Variants in CEP112 observed in about 807,000 individuals in gnomAD.
The protein encoded by CEP112 is centrosomal protein 112.
A neutral mutation model predicts 153.0 loss-of-function variants in CEP112; 127 were observed. The observed-to-expected ratio is 0.83, with a 90% CI of 0.72 to 0.96. The LOEUF (loss-of-function observed/expected upper bound fraction) is 0.96, where lower values mean the gene tolerates loss of function less well. Ranked by LOEUF, CEP112 falls within the 40% of genes least tolerant of loss-of-function variation. CEP112 has a pLI of 0.00. For synonymous variants in CEP112, 358 were observed against 374.4 expected, an observed-to-expected ratio of 0.96 and a Z score of 0.51; for missense variants, 1,089 against 1,101.2, an observed-to-expected ratio of 0.99 and a Z score of 0.16.
At chr17:65,839,477 A>T (rs1195887594) in intron 21 of CEP112, among the ~76,000 whole-genome samples, 1 of 151,722 alleles carries the variant, frequency 6.6e-6, no homozygotes, top group African/African-American at 2.4e-5. Context: ...GATTAAAAAA[A>T]AAAAACCTCT....
intron 21 of CEP112, among the ~76,000 whole-genome samples, chr17:65,814,151 G>T (rs904954977): frequency 5.3e-5 from 8 of 152,150 alleles, no homozygotes; most frequent in African/African-American, 1.9e-4. Flanking sequence ...GTTCAGAGAG[G>T]TTACTTGTCT....
intron 21 of CEP112, 121 bp from the exon 22 acceptor site, chr17:65,750,845 G>A: frequency 8.8e-5 from 62 of 701,228 alleles, no homozygotes; most frequent in Middle Eastern, 2.5e-4. Context: ...GGGGCAGCCA[G>A]AAAACCACAG....
At chr17:65,961,313 T>A in intron 18 of CEP112, 150 bp downstream of exon 18, 1 of 700,242 alleles carries the variant, frequency 1.4e-6, no homozygotes, top group Admixed American at 2.8e-5. Context: ...GTAACATCTC[T>A]TTCTCATTCT....
At chr17:65,901,551 G>A (rs779809574) in intron 20 of CEP112, among the ~76,000 whole-genome samples, 1 of 152,118 alleles carries the variant, frequency 6.6e-6, no homozygotes, top group Non-Finnish European at 1.5e-5. Context: ...ACAGCTGGGG[G>A]TTATTCTGCC....
chr17:65,998,022 A>C (rs1342836052), intron 17 of CEP112, among the ~76,000 whole-genome samples: 2 of 152,170 alleles, frequency 1.3e-5, no homozygotes, highest in Non-Finnish European at 2.9e-5. Flanking sequence ...TTGTCAGAAA[A>C]AAACAATCAT....
rs570349785 is a variant in CEP112 at position 65,807,651 on chromosome 17, C to T, written c.2394+44153G>A. 4.2e-4 allele frequency among the ~76,000 whole-genome samples: 64 copies of T among 152,334 alleles called. 1 individual carries two copies. Among genetic ancestry groups the T allele is most frequent in the East Asian group, 4.1e-3 (21 of 5,184 alleles). On this transcript the variant is annotated intron_variant, in intron 21 of 26. Transcript: ENST00000535342. ...TCCAGTTGTAGCTAAAAGGGGCCAA[C>T]ATACAGCTCAGGCCATTGCTTCAGA...
intron 6 of CEP112, among the ~76,000 whole-genome samples, chr17:66,129,229 G>A (rs562420212): frequency 7.2e-4 from 110 of 152,230 alleles, no homozygotes; most frequent in South Asian, 3.5e-3. Flanking sequence ...ACCCAATCAC[G>A]ACAGCTCACT....
At position 66,070,016 on chromosome 17, in the gene CEP112, T is replaced by C. The variant is rs770259440; in HGVS notation, c.769-15A>G. On this transcript the variant is annotated splice_polypyrimidine_tract_variant and intron_variant, in intron 8 of 26. Transcript: ENST00000535342. ...TTCATGTCCAGCTTCAAGAAAAATA[T>C]TTCAAGGGTGTTATTAATTTACTTT... 8.7e-6 allele frequency: 13 copies of C among 1,491,518 alleles called. No individual in the cohort carries two copies. In the Admixed American group the frequency reaches 1.9e-4, roughly 22 times the overall value. 92.4% of individuals were successfully genotyped at this position (1,491,518 alleles called of 1,614,324 possible).
intron 18 of CEP112, among the ~76,000 whole-genome samples, chr17:65,945,748 G>A (rs899273516): frequency 6.6e-6 from 1 of 152,110 alleles, no homozygotes; most frequent in Non-Finnish European, 1.5e-5. Flanking sequence ...CCAGGTTCAA[G>A]TGATTCTCCT....
At chr17:66,014,478 C>T (rs1353749537) in intron 16 of CEP112, among the ~76,000 whole-genome samples, 1 of 152,204 alleles carries the variant, frequency 6.6e-6, no homozygotes, top group Non-Finnish European at 1.5e-5. Flanking sequence ...CATGGCCAGC[C>T]TGAGGGAATG....
chr17:66,171,887 T>A (rs1451102140), intron 4 of CEP112, among the ~76,000 whole-genome samples: 1 of 152,214 alleles, frequency 6.6e-6, no homozygotes, highest in African/African-American at 2.4e-5. Context: ...ATTTTAAGCA[T>A]GTCCTTTCCA....
At chr17:65,976,372 C>A (rs184192891) in intron 17 of CEP112, among the ~76,000 whole-genome samples, 8 of 152,232 alleles carry the variant, frequency 5.3e-5, no homozygotes, top group Non-Finnish European at 8.8e-5. Flanking sequence ...TCTCCCAAAT[C>A]AAAAACGTTA....
chr17:65,868,984 C>A (rs962876609), intron 20 of CEP112, among the ~76,000 whole-genome samples: 2 of 152,126 alleles, frequency 1.3e-5, no homozygotes, highest in Non-Finnish European at 2.9e-5. Flanking sequence ...TAAGTTATTG[C>A]ATAGACAGGT....
At chr17:65,976,735 C>CTTT (rs771108755) in intron 17 of CEP112, among the ~76,000 whole-genome samples, 9,732 of 84,784 alleles carry the variant, frequency 0.11, 828 homozygotes, top group Non-Finnish European at 0.15. Context: ...ATAACTTTTT[C>CTTT]TTTTTTTTTT....
At chr17:65,663,580 C>G (rs2046514968) in intron 24 of CEP112, among the ~76,000 whole-genome samples, 1 of 152,122 alleles carries the variant, frequency 6.6e-6, no homozygotes, top group Non-Finnish European at 1.5e-5. Flanking sequence ...TGAGAAAGTG[C>G]TAGGATGGTG....
At chr17:66,068,528 G>A (rs1017652632) in intron 9 of CEP112, among the ~76,000 whole-genome samples, 6 of 152,142 alleles carry the variant, frequency 3.9e-5, no homozygotes, top group African/African-American at 1.2e-4. Context: ...TAAATTTTAC[G>A]CCTTGCCAAT....
intron 9 of CEP112, among the ~76,000 whole-genome samples, chr17:66,067,410 T>A (rs1017641417): frequency 6.6e-6 from 1 of 152,254 alleles, no homozygotes; most frequent in East Asian, 1.9e-4. Flanking sequence ...TAAAAATAGC[T>A]GAAATTGTAT....
Position 65,635,826 on chromosome 17 carries a change from A to T in CEP112, c.*145T>A. ...AAACCACCCCACTAGTGTATGAATG[A>T]TGCATGTTTTTATGATCTTAATTAC... is the stretch of plus-strand genomic sequence containing the variant. On this transcript the variant is annotated 3_prime_UTR_variant, in exon 27 of 27. Transcript: ENST00000535342. 1 of 798,978 alleles carries T rather than the reference A, an allele frequency of 1.3e-6. No individual in the cohort carries two copies. Among genetic ancestry groups the T allele is most frequent in the Non-Finnish European group, 2.0e-6 (1 of 494,828 alleles). 49.5% of individuals were successfully genotyped at this position (798,978 alleles called of 1,614,324 possible).
intron 21 of CEP112, among the ~76,000 whole-genome samples, chr17:65,810,379 TG>T (rs1350619305): frequency 6.6e-6 from 1 of 152,088 alleles, no homozygotes; most frequent in Non-Finnish European, 1.5e-5. Flanking sequence ...GATTGGAATA[TG>T]GGTCATTTCT....
Sources: gnomAD v4.1 joint callset for allele counts (sites outside exome capture counted in the v4.1 genomes callset) on GRCh38, gnomAD v4.1.1 for gene constraint, MANE v1.5 for transcripts, NCBI Gene and HGNC (gene_info 2026-07-23, HGNC 2026-07-21) for gene names.